SLC36A4: variants seen among roughly 807,000 people sequenced by gnomAD.
SLC36A4 encodes solute carrier family 36 member 4.
Under a neutral mutation model 50.5 loss-of-function variants are expected in SLC36A4, and 49 were observed. The ratio of observed to expected loss-of-function variants is 0.97; its 90% CI spans 0.77 to 1.23. The LOEUF (loss-of-function observed/expected upper bound fraction) is 1.23, where lower values mean the gene tolerates loss of function less well. SLC36A4 is among the 50% of genes most tolerant of loss of function. The pLI is 0.00. For synonymous variants in SLC36A4, 207 were observed against 206.5 expected, an observed-to-expected ratio of 1.00 and a Z score of -0.02; for missense variants, 611 against 608.4, an observed-to-expected ratio of 1.00 and a Z score of -0.05.
At chr11:93,154,038 C>T in intron 10 of SLC36A4, 70 bp downstream of exon 10, 3 of 708,508 alleles carry the variant, frequency 4.2e-6, no homozygotes, top group Non-Finnish European at 6.3e-6. Flanking sequence ...TAAGAAATTA[C>T]ATCTTATATA....
At chr11:93,189,725 A>C (rs1304400378) in intron 1 of SLC36A4, among the ~76,000 whole-genome samples, 1 of 152,182 alleles carries the variant, frequency 6.6e-6, no homozygotes, top group Non-Finnish European at 1.5e-5. Context: ...ATATTTCAAA[A>C]ACTGAACAAT....
intron 3 of SLC36A4, 131 bp downstream of exon 3, chr11:93,184,299 A>G: frequency 1.5e-6 from 1 of 684,024 alleles, no homozygotes; most frequent in South Asian, 1.7e-5. Flanking sequence ...ACACAATTTT[A>G]TCAAGACAAC....
intron 6 of SLC36A4, among the ~76,000 whole-genome samples, chr11:93,175,846 C>T (rs1861438367): frequency 1.5e-5 from 1 of 67,868 alleles, no homozygotes; most frequent in Non-Finnish European, 2.8e-5. Flanking sequence ...TTTACATTTG[C>T]TGAGGAGAGC....
At chr11:93,169,604 C>G (rs994806273) in intron 6 of SLC36A4, among the ~76,000 whole-genome samples, 2 of 152,112 alleles carry the variant, frequency 1.3e-5, no homozygotes, top group African/African-American at 4.8e-5. Context: ...TCTTAGACTG[C>G]AGAGAATATA....
rs1859817009 is a variant in SLC36A4 at position 93,144,814 on chromosome 11, T to C, written c.*3723A>G. 1 of 152,034 alleles carries C rather than the reference T, an allele frequency of 6.6e-6. No individual in the cohort carries two copies. Among genetic ancestry groups the C allele is most frequent in the African/African-American group, 2.4e-5 (1 of 41,436 alleles). The allele number at this position is 152,034 out of a possible 1,614,324, so 9.4% of individuals were successfully genotyped here. A position where few individuals can be genotyped will look rare whatever the true frequency, so the allele number is the denominator to read the frequency against. On this transcript the variant is annotated 3_prime_UTR_variant, in exon 11 of 11. Transcript: ENST00000326402. ...GATCCAAGTTTCTCAAATTTTCTTATTAAGGGAAGCTAGGTGAGCCAAAAA... is the reference window on the plus strand; with the variant it reads ...GATCCAAGTTTCTCAAATTTTCTTACTAAGGGAAGCTAGGTGAGCCAAAAA...
intron 10 of SLC36A4, chr11:93,152,582 T>C (rs1353880336): frequency 6.6e-6 from 1 of 152,150 alleles, no homozygotes; most frequent in Non-Finnish European, 1.5e-5. Context: ...CTCTGTGCTA[T>C]GAACTAAGCC....
chr11:93,193,520 T>A (rs1270740859), intron 1 of SLC36A4, among the ~76,000 whole-genome samples: 1 of 152,070 alleles, frequency 6.6e-6, no homozygotes, highest in African/African-American at 2.4e-5. Flanking sequence ...TATTTATGAG[T>A]GGAGAAATTA....
intron 9 of SLC36A4, among the ~76,000 whole-genome samples, chr11:93,157,092 G>A (rs1590935578): frequency 2.0e-5 from 3 of 152,254 alleles, no homozygotes; most frequent in South Asian, 4.1e-4. Context: ...ACCATTTATT[G>A]AATAGCGAAT....
intron 1 of SLC36A4, among the ~76,000 whole-genome samples, chr11:93,191,354 G>A (rs1011040762): frequency 1.3e-5 from 2 of 152,224 alleles, no homozygotes; most frequent in Non-Finnish European, 2.9e-5. Context: ...ACAATTGCGT[G>A]CTTGAGAAAC....
At chr11:93,181,892 A>C in intron 4 of SLC36A4, 106 bp from the exon 5 acceptor site, 4 of 979,456 alleles carry the variant, frequency 4.1e-6, no homozygotes, top group Non-Finnish European at 5.7e-6. Context: ...TAATAAATGC[A>C]AGGCTATGAA....
rs200479590 is a variant in SLC36A4, at chr11:93,165,926, T to C, written c.859A>G (p.Ile287Val). The C allele has an allele frequency of 4.3e-5, 68 of 1,598,616 alleles. No individual in the cohort carries two copies. Among genetic ancestry groups the C allele is most frequent in the Non-Finnish European group, 1.7e-6 (2 of 1,169,156 alleles). ...FGTAVFAFEG[I>V]GVVLPLENQM... ...AAAGACTAAATTCTTACCACTCCTA[T>C]GCCTTCAAAAGCAAATACAGCAGTA... Residue 287 changes from isoleucine to valine, a missense_variant, in exon 8 of 11, where the codon ATA becomes GTA. By Grantham distance (29) the Ile-to-Val change is conservative. Transcript: ENST00000326402.
chr11:93,168,178 A>G lies in SLC36A4; in HGVS notation c.541-7T>C. 1 of 1,549,678 alleles carries G rather than the reference A, an allele frequency of 6.5e-7. No homozygotes were observed. Among genetic ancestry groups the G allele is most frequent in the Non-Finnish European group, 8.8e-7 (1 of 1,140,016 alleles). On this transcript the variant is annotated splice_region_variant and splice_polypyrimidine_tract_variant and intron_variant, in intron 6 of 10. Transcript: ENST00000326402. Reference sequence around the variant, plus strand: ...CCAGGAATCCTTCATGAACCTACATAGGATTACCAGGAGAATAAAGAAGGG... The same window carrying G: ...CCAGGAATCCTTCATGAACCTACATGGGATTACCAGGAGAATAAAGAAGGG...
intron 9 of SLC36A4, among the ~76,000 whole-genome samples, chr11:93,157,036 G>A (rs914070757): frequency 2.6e-5 from 4 of 152,134 alleles, no homozygotes. Context: ...GTGTAAGGAA[G>A]GGGTCCAGTT....
chr11:93,147,235 A>G lies in SLC36A4; in HGVS notation c.*1302T>C, dbSNP rs1859871007. The G allele has an allele frequency of 6.6e-6, 1 of 152,086 alleles. No individual in the cohort carries two copies. Among genetic ancestry groups the G allele is most frequent in the Admixed American group, 6.6e-5 (1 of 15,222 alleles). The allele number at this position is 152,086 out of a possible 1,614,324, so 9.4% of individuals were successfully genotyped here. On this transcript the variant is annotated 3_prime_UTR_variant, in exon 11 of 11. Transcript: ENST00000326402. ...CCTGGCCTCTCAAGTGATCCTCCCAACTTATCCTCCAGAGTAGCTGGGATT... is the reference window on the plus strand; with the variant it reads ...CCTGGCCTCTCAAGTGATCCTCCCAGCTTATCCTCCAGAGTAGCTGGGATT...
intron 8 of SLC36A4, among the ~76,000 whole-genome samples, chr11:93,163,589 G>T (rs1477103859): frequency 6.6e-6 from 1 of 152,134 alleles, no homozygotes; most frequent in Non-Finnish European, 1.5e-5. Context: ...TTTATCACTG[G>T]TGAAGTTAAT....
chr11:93,172,228 C>T (rs1256257292), intron 6 of SLC36A4, among the ~76,000 whole-genome samples: 2 of 152,062 alleles, frequency 1.3e-5, no homozygotes, highest in African/African-American at 4.8e-5. Context: ...TCTCTTGACA[C>T]CATTCCCTTT....
intron 8 of SLC36A4, among the ~76,000 whole-genome samples, chr11:93,165,337 ATCTT>A (rs1860811441): frequency 1.3e-5 from 2 of 152,174 alleles, no homozygotes. Context: ...AATATTTAAT[ATCTT>A]AGAATCCTCA....
intron 7 of SLC36A4, chr11:93,166,496 C>A: frequency 1.3e-6 from 1 of 769,848 alleles, no homozygotes; most frequent in Non-Finnish European, 1.6e-6. Flanking sequence ...CTGCTGCTGC[C>A]CAAAACAGGT....
intron 3 of SLC36A4, among the ~76,000 whole-genome samples, chr11:93,183,897 A>G (rs1861857027): frequency 6.6e-6 from 1 of 152,002 alleles, no homozygotes; most frequent in South Asian, 2.1e-4. Flanking sequence ...ACGGGGTTTC[A>G]CCGTGTTAGC....
Sources: gnomAD v4.1 joint callset for allele counts (sites outside exome capture counted in the v4.1 genomes callset) on GRCh38, gnomAD v4.1.1 for gene constraint, MANE v1.5 for transcripts, NCBI Gene and HGNC (gene_info 2026-07-23, HGNC 2026-07-21) for gene names.